UBE2O: variants seen among roughly 807,000 people sequenced by gnomAD.
The protein encoded by UBE2O is (E3-independent) E2 ubiquitin-conjugating enzyme.
UBE2O carries 15 observed loss-of-function variants against 125.8 expected under a neutral mutation model. The observed-to-expected ratio is 0.12, with a 90% CI of 0.08 to 0.18. The LOEUF is 0.18. UBE2O is among the 10% of genes least tolerant of loss of function. The pLI is 1.00. For synonymous variants in UBE2O, 708 were observed against 703.2 expected, an observed-to-expected ratio of 1.01 and a Z score of -0.11; for missense variants, 1,280 against 1,723.6, an observed-to-expected ratio of 0.74 and a Z score of 4.56.
chr17:76,438,637 G>A (rs1052553782), intron 1 of UBE2O, among the ~76,000 whole-genome samples: 9 of 152,108 alleles, frequency 5.9e-5, no homozygotes, highest in Middle Eastern at 6.8e-3. Context: ...TCTTAGGTTC[G>A]ATAGATTTCA....
intron 1 of UBE2O, among the ~76,000 whole-genome samples, chr17:76,441,992 A>C (rs560254118): frequency 6.6e-6 from 1 of 152,288 alleles, no homozygotes; most frequent in Admixed American, 6.5e-5. Context: ...CCTCGTTCGT[A>C]CTTAGCCATC....
intron 1 of UBE2O, among the ~76,000 whole-genome samples, chr17:76,423,743 AGGAAGCT>A (rs887819350): frequency 4.7e-5 from 7 of 149,342 alleles, no homozygotes; most frequent in African/African-American, 1.7e-4. Flanking sequence ...AAGGTCAGGC[AGGAAGCT>A]GCCAAGGGAG....
intron 1 of UBE2O, among the ~76,000 whole-genome samples, chr17:76,428,340 T>A (rs2072845506): frequency 6.6e-6 from 1 of 152,256 alleles, no homozygotes. Context: ...CTCTGATACA[T>A]TATGGTCCTT....
chr17:76,452,400 G>GC lies in UBE2O; in HGVS notation c.417+324dup, dbSNP rs1567860800. ...GCCGCACTGGTGTAACGCCGAACGCGCCCCAGAACCTGAGTCCCCACGGGA... is the reference window on the plus strand; with the variant it reads ...GCCGCACTGGTGTAACGCCGAACGCGCCCCCAGAACCTGAGTCCCCACGGGA... On this transcript the variant is annotated intron_variant, in intron 1 of 17. Coordinates refer to ENST00000319380, the MANE Select transcript of UBE2O (RefSeq NM_022066.4). The surrounding 1 kb of genome is among the most constrained non-coding windows in gnomAD (Gnocchi z 4.4). 6.6e-6 allele frequency among the ~76,000 whole-genome samples: 1 copy of GC among 152,090 alleles called. No homozygotes were observed. The highest frequency in any genetic ancestry group is 1.9e-4 in the East Asian group (1 of 5,186).
In UBE2O at chr17:76,405,691, C is replaced by T. The variant is rs535528574; in HGVS notation, c.418-119G>A. 1.2e-5 allele frequency: 11 copies of T among 894,338 alleles called. 1 individual carries two copies. The highest frequency in any genetic ancestry group is 9.3e-5 in the South Asian group (6 of 64,500). 55.4% of individuals were successfully genotyped at this position (894,338 alleles called of 1,614,324 possible). ...CACTGCTAAGTGCACAAATCCTAAG[C>T]GTTTGGCTAGCAGTATCTTCACAGA... On this transcript the variant is annotated intron_variant, in intron 1 of 17. Transcript: ENST00000319380. The surrounding 1 kb of genome is among the most constrained non-coding windows in gnomAD (Gnocchi z 6.1).
intron 1 of UBE2O, among the ~76,000 whole-genome samples, chr17:76,431,484 G>T (rs1197940091): frequency 6.6e-6 from 1 of 152,168 alleles, no homozygotes; most frequent in African/African-American, 2.4e-5. Flanking sequence ...CTCCAGCCTG[G>T]GCGACAGGGT....
At position 76,396,829 on chromosome 17, in the gene UBE2O, C is replaced by A; in HGVS notation, c.2116-8G>T. ...CTCTATGTTGTACAAGTGCTGGGGGCAGAAGGGAAGTGCCAGGGTAAGCAG... is the reference window on the plus strand; with the variant it reads ...CTCTATGTTGTACAAGTGCTGGGGGAAGAAGGGAAGTGCCAGGGTAAGCAG... On this transcript the variant is annotated splice_region_variant and splice_polypyrimidine_tract_variant and intron_variant, in intron 13 of 17. Transcript: ENST00000319380. The surrounding 1 kb of genome is among the most constrained non-coding windows in gnomAD (Gnocchi z 6.7). 2 of 1,569,062 alleles carry A rather than the reference C, an allele frequency of 1.3e-6. No individual in the cohort carries two copies. Among genetic ancestry groups the A allele is most frequent in the Non-Finnish European group, 1.7e-6 (2 of 1,155,654 alleles).
intron 1 of UBE2O, among the ~76,000 whole-genome samples, chr17:76,437,063 C>T (rs760567031): frequency 2.7e-5 from 4 of 149,802 alleles, no homozygotes; most frequent in African/African-American, 7.4e-5. Flanking sequence ...GCAGGAGAAT[C>T]GCCTGAACCT....
At chr17:76,446,233 C>A (rs1228184041) in intron 1 of UBE2O, among the ~76,000 whole-genome samples, 1 of 152,186 alleles carries the variant, frequency 6.6e-6, no homozygotes, top group Non-Finnish European at 1.5e-5. Flanking sequence ...AGAAAACCAC[C>A]CTGACTCCAA....
chr17:76,403,649 A>C (rs900486352), intron 3 of UBE2O, among the ~76,000 whole-genome samples: 1 of 152,198 alleles, frequency 6.6e-6, no homozygotes, highest in Non-Finnish European at 1.5e-5. Context: ...TACATATAAT[A>C]CATATGTATT....
chr17:76,400,276 A>G lies in UBE2O; in HGVS notation c.1026T>C (p.Phe342=). Residue 342 remains phenylalanine (F), a synonymous_variant, in exon 8 of 18, where the codon TTT becomes TTC. Coordinates refer to ENST00000319380, the MANE Select transcript of UBE2O (RefSeq NM_022066.4). The surrounding 1 kb of genome is among the most constrained non-coding windows in gnomAD (Gnocchi z 4.3). The part of the protein sequence containing the change: ...NLGRVKRLGC[F]DHAQRQLGER... ...CCCCAAGCTGCCGCTGAGCATGGTC[A>G]AAGCATCCGAGACGCTTCACCCTGG... 6.2e-7 allele frequency: 1 copy of G among 1,613,944 alleles called. No individual in the cohort carries two copies. Among genetic ancestry groups the G allele is most frequent in the African/African-American group, 1.3e-5 (1 of 75,044 alleles).
At chr17:76,417,278 A>G (rs901736775) in intron 1 of UBE2O, among the ~76,000 whole-genome samples, 1 of 152,372 alleles carries the variant, frequency 6.6e-6, no homozygotes, top group East Asian at 1.9e-4. Context: ...AAAGTCAACG[A>G]CATCCCTGGG....
chr17:76,402,480 A>T lies in UBE2O; in HGVS notation c.686+122T>A. The stretch of plus-strand genomic sequence containing the variant: ...GGGTTAGGCCCTGGATGCCTGCAAC[A>T]TCTGTCACTGCCCTTGATCAAACCT... On this transcript the variant is annotated intron_variant, in intron 4 of 17. Transcript: ENST00000319380. This position sits in a 1 kb window ranked among gnomAD's most constrained non-coding sequence, Gnocchi z 5.4. The T allele has an allele frequency of 2.3e-6, 2 of 861,948 alleles. No homozygotes were observed. Among genetic ancestry groups the T allele is most frequent in the Non-Finnish European group, 1.9e-6 (1 of 514,598 alleles). The allele number at this position is 861,948 out of a possible 1,614,324, so 53.4% of individuals were successfully genotyped here.
At chr17:76,447,698 A>C (rs753427543) in intron 1 of UBE2O, among the ~76,000 whole-genome samples, 6 of 152,184 alleles carry the variant, frequency 3.9e-5, no homozygotes, top group Non-Finnish European at 8.8e-5. Flanking sequence ...AATAAAGTCA[A>C]ACCTATAATC....
In UBE2O at chr17:76,402,028, T is replaced by A. The variant is rs1318882108; in HGVS notation, c.750+36A>T. 1 of 1,608,112 alleles carries A rather than the reference T, an allele frequency of 6.2e-7. No homozygotes were observed. Among genetic ancestry groups the A allele is most frequent in the Admixed American group, 1.7e-5 (1 of 59,154 alleles). ...GTCCTCCTTCCAGAGGACTGAGCAA[T>A]CAGAGAAGGGTGCTGGCCTGGATGG... is the stretch of plus-strand genomic sequence containing the variant. On this transcript the variant is annotated intron_variant, in intron 5 of 17. Transcript: ENST00000319380. The surrounding 1 kb of genome is among the most constrained non-coding windows in gnomAD (Gnocchi z 5.4).
intron 1 of UBE2O, among the ~76,000 whole-genome samples, chr17:76,436,949 T>C (rs180691509): frequency 2.9e-4 from 44 of 152,160 alleles, no homozygotes; most frequent in Non-Finnish European, 5.0e-4. Flanking sequence ...CTGGCCAACA[T>C]GTTGAAACCA....
At chr17:76,429,368 C>G (rs1213765216) in intron 1 of UBE2O, among the ~76,000 whole-genome samples, 3 of 151,342 alleles carry the variant, frequency 2.0e-5, no homozygotes, top group African/African-American at 7.3e-5. Flanking sequence ...ATGGCAAAAC[C>G]CCATCTTGAC....
Position 76,399,814 on chromosome 17 carries a change from G to C in UBE2O, c.1263C>G (p.Ser421=). The stretch of plus-strand genomic sequence containing the variant: ...CAGACTCCGCTTCGCTCTTGGTTTT[G>C]GATTCCCCCTTCTTGTCTGGGTCTT... The part of the protein sequence containing the change: ...SMEDPDKKGE[S]KTKSEAESAS... Residue 421 remains serine, a synonymous_variant, in exon 9 of 18, where the codon TCC becomes TCG. Transcript: ENST00000319380. The surrounding 1 kb of genome is among the most constrained non-coding windows in gnomAD (Gnocchi z 6.9). 6.2e-7 allele frequency: 1 copy of C among 1,614,180 alleles called. No homozygotes were observed. Among genetic ancestry groups the C allele is most frequent in the Non-Finnish European group, 8.5e-7 (1 of 1,180,032 alleles).
chr17:76,419,544 T>G (rs1157093658), intron 1 of UBE2O, among the ~76,000 whole-genome samples: 4 of 152,204 alleles, frequency 2.6e-5, no homozygotes, highest in African/African-American at 9.6e-5. Flanking sequence ...CTTCCTGTGG[T>G]CCAGCCCTTG....
Sources: gnomAD v4.1 joint callset for allele counts (sites outside exome capture counted in the v4.1 genomes callset) on GRCh38, gnomAD v4.1.1 for gene constraint, Gnocchi (gnomAD v3.1) non-coding constraint, MANE v1.5 for transcripts, NCBI Gene and HGNC (gene_info 2026-07-23, HGNC 2026-07-21) for gene names.